Variants in GRIN2A observed in about 807,000 individuals in gnomAD.
GRIN2A encodes the protein glutamate ionotropic receptor NMDA type subunit 2A, also known as glutamate receptor ionotropic, NMDA 2A.
GRIN2A carries 22 observed loss-of-function variants against 113.4 expected under a neutral mutation model. That is an observed-to-expected ratio of 0.19 (90% CI 0.14 to 0.28). The LOEUF (loss-of-function observed/expected upper bound fraction) is 0.28, where lower values mean the gene tolerates loss of function less well. Ranked by LOEUF, GRIN2A falls within the 10% of genes least tolerant of loss-of-function variation. GRIN2A has a pLI of 1.00. For synonymous variants in GRIN2A, 827 were observed against 738.4 expected (o/e 1.12, Z -1.94); for missense variants, 1,502 against 1,887.0 (o/e 0.80, Z 3.78).
rs1235338167 is a variant in GRIN2A at position 10,113,457 on chromosome 16, C to T, written c.414+66541G>A. On this transcript the variant is annotated intron_variant, in intron 2 of 12. Transcript: ENST00000330684. ...AGGCTGCCCTGCTCATGGCCGCCTG[C>T]CCATCATTCGTGACTCACCACCGTC... Among the ~76,000 whole-genome samples, 3 of 152,228 alleles carry T rather than the reference C, an allele frequency of 2.0e-5. No homozygotes were observed. The East Asian group carries it at 5.8e-4, about 29-fold the overall frequency.
At chr16:10,002,869 G>A (rs2046344324) in intron 2 of GRIN2A, among the ~76,000 whole-genome samples, 1 of 152,156 alleles carries the variant, frequency 6.6e-6, no homozygotes, top group Non-Finnish European at 1.5e-5. Context: ...TCACCCAATG[G>A]ACTTTGGAGA....
At chr16:9,910,689 C>G (rs1247443466) in intron 3 of GRIN2A, among the ~76,000 whole-genome samples, 1 of 151,912 alleles carries the variant, frequency 6.6e-6, no homozygotes, top group African/African-American at 2.4e-5. Context: ...AGGTGCCCAC[C>G]ACTACACCTG....
At chr16:9,806,194 C>G (rs1247270907) in intron 10 of GRIN2A, among the ~76,000 whole-genome samples, 1 of 152,104 alleles carries the variant, frequency 6.6e-6, no homozygotes, top group African/African-American at 2.4e-5. Context: ...TAAATATTTG[C>G]TTCATTGATC....
intron 2 of GRIN2A, among the ~76,000 whole-genome samples, chr16:10,117,124 G>A (rs1400089284): frequency 6.6e-6 from 1 of 151,632 alleles, no homozygotes; most frequent in Non-Finnish European, 1.5e-5. Flanking sequence ...CCCAAAATCT[G>A]TCATCTGGAT....
chr16:10,179,878 T>TCCCACC (rs1242122246), intron 2 of GRIN2A, 120 bp downstream of exon 2: 2 of 443,318 alleles, frequency 4.5e-6, no homozygotes, highest in Non-Finnish European at 9.4e-6. Context: ...GCCACGACCC[T>TCCCACC]CCCACCCCCA....
intron 4 of GRIN2A, among the ~76,000 whole-genome samples, chr16:9,886,456 G>A (rs1303026598): frequency 3.3e-5 from 5 of 152,142 alleles, no homozygotes; most frequent in Non-Finnish European, 5.9e-5. Context: ...CACTTGCATG[G>A]TGGGCTACAG....
chr16:10,154,482 C>A (rs1240571658), intron 2 of GRIN2A, among the ~76,000 whole-genome samples: 1 of 152,152 alleles, frequency 6.6e-6, no homozygotes. Context: ...TCCCCATCCC[C>A]TGGAATATAA....
At position 9,938,062 on chromosome 16, in the gene GRIN2A, C is replaced by A. The variant is rs901717931; in HGVS notation, c.904G>T (p.Ala302Ser). The A allele has an allele frequency of 1.2e-6, 2 of 1,614,010 alleles. No homozygotes were observed. The highest frequency in any genetic ancestry group is 1.7e-4 in the Middle Eastern group (1 of 6,060). ...VRDGIGILTTAASSMLEKFSY... is the reference protein window; with the variant it reads ...VRDGIGILTTSASSMLEKFSY... ...AACTTCTCCAGCATAGAAGATGCAG[C>A]GGTGGTTAGGATGCCAATGCCGTCC... Residue 302 changes from alanine to serine, a missense_variant, in exon 3 of 13, where the codon GCT becomes TCT. Physicochemically the swap from Ala to Ser is moderately conservative, Grantham distance 99 (BLOSUM62 1). Coordinates refer to ENST00000330684, the MANE Select transcript of GRIN2A (RefSeq NM_001134407.3).
At chr16:9,798,527 C>T in intron 10 of GRIN2A, 63 bp from the exon 11 acceptor site, 1 of 1,261,540 alleles carries the variant, frequency 7.9e-7, no homozygotes, top group Non-Finnish European at 1.2e-6. Flanking sequence ...GGTCCAGCTC[C>T]TGAGGCCTGA....
intron 2 of GRIN2A, among the ~76,000 whole-genome samples, chr16:10,039,865 G>C (rs1157070786): frequency 7.1e-6 from 1 of 141,760 alleles, no homozygotes; most frequent in South Asian, 2.3e-4. Flanking sequence ...TCAGAGGAGG[G>C]GTGCGGCAGC....
chr16:10,107,652 C>T (rs2048524819), intron 2 of GRIN2A, among the ~76,000 whole-genome samples: 1 of 152,194 alleles, frequency 6.6e-6, no homozygotes, highest in South Asian at 2.1e-4. Context: ...CTAAAGGTCC[C>T]GTCCTCCCCC....
intron 2 of GRIN2A, among the ~76,000 whole-genome samples, chr16:10,122,259 C>T (rs767781107): frequency 3.9e-5 from 6 of 152,220 alleles, no homozygotes; most frequent in Non-Finnish European, 8.8e-5. Context: ...CAGGAGAAAC[C>T]TGGCACTGTG....
chr16:10,040,525 C>T (rs1191881513), intron 2 of GRIN2A, among the ~76,000 whole-genome samples: 1 of 151,822 alleles, frequency 6.6e-6, no homozygotes, highest in Non-Finnish European at 1.5e-5. Flanking sequence ...CACACATCCA[C>T]ACCACATAAT....
intron 3 of GRIN2A, among the ~76,000 whole-genome samples, chr16:9,922,672 A>G (rs1021597649): frequency 6.6e-6 from 1 of 152,192 alleles, no homozygotes; most frequent in Non-Finnish European, 1.5e-5. Context: ...TGAGTGAAGA[A>G]CAGTTTCCCA....
At chr16:9,965,134 G>A (rs1875207) in intron 2 of GRIN2A, among the ~76,000 whole-genome samples, 1 of 151,980 alleles carries the variant, frequency 6.6e-6, no homozygotes, top group East Asian at 1.9e-4. Flanking sequence ...TAGGCAAAAG[G>A]TTCTAATAAA....
rs545801476 is a variant in GRIN2A, at chr16:9,893,834, A to G, written c.1008-2734T>C. Among the ~76,000 whole-genome samples, 15 of 152,352 alleles carry G rather than the reference A, an allele frequency of 9.8e-5. No individual in the cohort carries two copies. The South Asian group carries it at 3.1e-3, about 32-fold the overall frequency. On this transcript the variant is annotated intron_variant, in intron 3 of 12. Transcript: ENST00000330684. The stretch of plus-strand genomic sequence containing the variant: ...TATAGAGACGACGGTCAAAGAAAGC[A>G]TATTTACTGTATGCCTGGTATATAG...
intron 2 of GRIN2A, among the ~76,000 whole-genome samples, chr16:10,115,729 G>A (rs1464063653): frequency 6.6e-6 from 1 of 152,202 alleles, no homozygotes; most frequent in Non-Finnish European, 1.5e-5. Context: ...GGGTATGGGG[G>A]CGTGGGGACA....
At chr16:10,098,976 A>G (rs2048346341) in intron 2 of GRIN2A, among the ~76,000 whole-genome samples, 1 of 151,468 alleles carries the variant, frequency 6.6e-6, no homozygotes, top group African/African-American at 2.4e-5. Flanking sequence ...GAAAAGGAAA[A>G]ATAAATAAAT....
rs1275736385 is a variant in GRIN2A at position 9,759,822 on chromosome 16, A to G, written c.*3327T>C. 4.4e-6 allele frequency: 1 copy of G among 229,330 alleles called. No homozygotes were observed. The highest frequency in any genetic ancestry group is 2.2e-5 in the African/African-American group (1 of 45,150). The allele number at this position is 229,330 out of a possible 1,614,324, so 14.2% of individuals were successfully genotyped here. On this transcript the variant is annotated 3_prime_UTR_variant, in exon 13 of 13. Transcript: ENST00000330684. The stretch of plus-strand genomic sequence containing the variant: ...CTTGCCAGCTCAGAGCATTGAAACC[A>G]TAAGTGGCCTAAGAACCTGCAGATG...
Sources: gnomAD v4.1 joint callset for allele counts (sites outside exome capture counted in the v4.1 genomes callset) on GRCh38, gnomAD v4.1.1 for gene constraint, MANE v1.5 for transcripts, NCBI Gene and HGNC (gene_info 2026-07-23, HGNC 2026-07-21) for gene names.